Variants in GALNT13 observed in about 807,000 individuals in gnomAD.
The protein encoded by GALNT13 is UDP-GalNAc:polypeptide N-acetylgalactosaminyltransferase 13.
A neutral mutation model predicts 64.2 loss-of-function variants in GALNT13; 28 were observed. That is an observed-to-expected ratio of 0.44 (90% CI 0.32 to 0.60). The LOEUF is 0.60. Among genes scored for constraint, GALNT13 ranks in the 20% least tolerant of loss-of-function variants. The probability of loss-of-function intolerance (pLI) is 0.05; values close to 1 mark genes in which losing one functional copy is unlikely to be tolerated. For synonymous variants in GALNT13, 214 were observed against 224.6 expected (o/e 0.95, Z 0.42); for missense variants, 577 against 669.8 (o/e 0.86, Z 1.53).
At chr2:153,206,450 A>G in the GALNT13 span, among the ~76,000 whole-genome samples, 3 of 152,080 alleles carry the variant, frequency 2.0e-5, no homozygotes, top group Non-Finnish European at 4.4e-5. Flanking sequence ...ATAATTGTAC[A>G]TATTTATGCA....
intron 1 of GALNT13, among the ~76,000 whole-genome samples, chr2:153,885,199 T>G (rs1687089501): frequency 6.6e-6 from 1 of 152,062 alleles, no homozygotes; most frequent in South Asian, 2.1e-4. Flanking sequence ...TTTCTAGGTA[T>G]AAAGCCTAAG....
At chr2:154,165,385 A>G (rs1304470289) in intron 4 of GALNT13, among the ~76,000 whole-genome samples, 1 of 152,016 alleles carries the variant, frequency 6.6e-6, no homozygotes, top group Non-Finnish European at 1.5e-5. Flanking sequence ...TTCTTCACAC[A>G]TTAGGTAATT....
chr2:153,937,507 G>T (rs1344593772), intron 2 of GALNT13, among the ~76,000 whole-genome samples: 1 of 152,168 alleles, frequency 6.6e-6, no homozygotes, highest in African/African-American at 2.4e-5. Context: ...TTCTAGCAAA[G>T]GGGAGTGGTT....
the GALNT13 span, among the ~76,000 whole-genome samples, chr2:153,530,448 A>T: frequency 2.6e-5 from 4 of 152,292 alleles, no homozygotes; most frequent in East Asian, 7.7e-4. Context: ...CATACTCCCC[A>T]AAGCAATCTA....
chr2:153,758,302 GTT>G, the GALNT13 span, among the ~76,000 whole-genome samples: 56 of 143,124 alleles, frequency 3.9e-4, no homozygotes, highest in Middle Eastern at 3.6e-3. Flanking sequence ...AATAAATGGG[GTT>G]TTTTTTTTTT....
At chr2:153,816,974 T>C in the GALNT13 span, among the ~76,000 whole-genome samples, 1 of 152,202 alleles carries the variant, frequency 6.6e-6, no homozygotes, top group African/African-American at 2.4e-5. Flanking sequence ...GTAGAGACAG[T>C]GCCTGACCAT....
chr2:153,749,065 G>C, the GALNT13 span, among the ~76,000 whole-genome samples: 1 of 151,908 alleles, frequency 6.6e-6, no homozygotes, highest in Non-Finnish European at 1.5e-5. Flanking sequence ...AGTTTTTATA[G>C]CATTATTTAT....
intron 3 of GALNT13, among the ~76,000 whole-genome samples, chr2:153,948,864 GAGA>G (rs1332360381): frequency 1.3e-5 from 2 of 152,048 alleles, no homozygotes; most frequent in African/African-American, 4.8e-5. Flanking sequence ...CAGGAGAAGA[GAGA>G]AGATCAGGAA....
intron 9 of GALNT13, among the ~76,000 whole-genome samples, chr2:154,353,732 C>T (rs543404280): frequency 5.9e-5 from 9 of 152,202 alleles, no homozygotes; most frequent in South Asian, 2.1e-4. Flanking sequence ...CATGTTGTGG[C>T]GGATGGCAAG....
At chr2:153,357,264 A>G in the GALNT13 span, 1 of 152,202 alleles carries the variant, frequency 6.6e-6, no homozygotes, top group African/African-American at 2.4e-5. Context: ...AGAATTGGGA[A>G]CACATTTAAT....
chr2:153,983,611 C>T (rs1694611497), intron 3 of GALNT13, among the ~76,000 whole-genome samples: 1 of 151,874 alleles, frequency 6.6e-6, no homozygotes, highest in African/African-American at 2.4e-5. Flanking sequence ...TAAGTATTCT[C>T]TCAAACTCTG....
chr2:153,840,936 C>CT, the GALNT13 span, among the ~76,000 whole-genome samples: 1 of 151,524 alleles, frequency 6.6e-6, no homozygotes, highest in African/African-American at 2.4e-5. Context: ...TTTCTCAGGC[C>CT]TTTTTTGGGT....
intron 9 of GALNT13, among the ~76,000 whole-genome samples, chr2:154,335,286 A>C (rs960248697): frequency 6.6e-6 from 1 of 152,038 alleles, no homozygotes; most frequent in African/African-American, 2.4e-5. Context: ...TATACATTTC[A>C]TCATAACTCG....
chr2:153,582,399 G>T, the GALNT13 span, among the ~76,000 whole-genome samples: 4 of 151,992 alleles, frequency 2.6e-5, no homozygotes, highest in African/African-American at 9.6e-5. Context: ...TCAAATACCT[G>T]AGCTGAATGT....
chr2:154,397,030 G>T (rs1310561749), intron 10 of GALNT13, among the ~76,000 whole-genome samples: 1 of 150,768 alleles, frequency 6.6e-6, no homozygotes, highest in Non-Finnish European at 1.5e-5. Context: ...TATCTCAATT[G>T]GTCAAAACAA....
At chr2:153,763,449 T>G in the GALNT13 span, among the ~76,000 whole-genome samples, 1 of 152,168 alleles carries the variant, frequency 6.6e-6, no homozygotes, top group Non-Finnish European at 1.5e-5. Flanking sequence ...CCCATACTGT[T>G]GTCACGATAG....
At chr2:153,863,055 T>G in the GALNT13 span, among the ~76,000 whole-genome samples, 120 of 152,260 alleles carry the variant, frequency 7.9e-4, no homozygotes, top group Non-Finnish European at 1.4e-3. Context: ...ACCAGATATT[T>G]AGATGGGATG....
At chr2:153,226,819 A>G in the GALNT13 span, among the ~76,000 whole-genome samples, 6 of 152,342 alleles carry the variant, frequency 3.9e-5, no homozygotes, top group African/African-American at 4.8e-5. Context: ...TCCGTTAAAC[A>G]TAATGCATCC....
At chr2:154,429,643 G>A (rs1700623840) in intron 11 of GALNT13, among the ~76,000 whole-genome samples, 1 of 152,214 alleles carries the variant, frequency 6.6e-6, no homozygotes, top group Non-Finnish European at 1.5e-5. Flanking sequence ...ATTGATAAAT[G>A]TGAATACAGT....
Sources: allele counts gnomAD v4.1 joint callset (sites outside exome capture counted in the v4.1 genomes callset), GRCh38; gene constraint gnomAD v4.1.1; transcripts MANE v1.5; gene names NCBI Gene and HGNC (gene_info 2026-07-23, HGNC 2026-07-21).